RNF38: variants seen among roughly 807,000 people sequenced by gnomAD.
RNF38 encodes ring finger protein 38.
In RNF38, 15 loss-of-function variants were observed where a neutral mutation model predicts 67.2. The observed-to-expected ratio is 0.22, with a 90% CI of 0.15 to 0.34. The LOEUF (loss-of-function observed/expected upper bound fraction) is 0.34, where lower values mean the gene tolerates loss of function less well. RNF38 is among the 10% of genes least tolerant of loss of function. The pLI is 1.00. For missense variants in RNF38, 524 were observed against 639.9 expected, an observed-to-expected ratio of 0.82 and a Z score of 1.95; for synonymous variants, 220 against 218.8, an observed-to-expected ratio of 1.01 and a Z score of -0.05.
intron 11 of RNF38, among the ~76,000 whole-genome samples, 155 bp from the exon 12 acceptor site, chr9:36,339,969 T>C (rs943739384): frequency 3.8e-5 from 4 of 106,004 alleles, no homozygotes; most frequent in Non-Finnish European, 7.8e-5. Context: ...CCCATAAACC[T>C]CCGAATTAGC....
chr9:36,472,934 C>A (rs1840031043), intron 1 of RNF38, among the ~76,000 whole-genome samples: 1 of 151,258 alleles, frequency 6.6e-6, no homozygotes, highest in Admixed American at 6.6e-5. Flanking sequence ...GAGTTCAGGA[C>A]CAGCCTGGCC....
rs774227799 is a variant in RNF38, at chr9:36,342,417, C to T, written c.1393G>A (p.Val465Ile). 2.5e-6 allele frequency: 4 copies of T among 1,610,882 alleles called. No homozygotes were observed. The highest frequency in any genetic ancestry group is 2.2e-5 in the South Asian group (2 of 91,006). ...CTTGACTCAAAATCACACATGCATA[C>T]TACACACCTAAAAAAAGCAAAAAGA... ...NHQSEQTLCV[V>I]CMCDFESRQL... Residue 465 changes from valine to isoleucine, a missense_variant, in exon 11 of 12, where the codon GTA becomes ATA. Coordinates refer to ENST00000259605, the MANE Select transcript of RNF38 (RefSeq NM_022781.5).
chr9:36,348,227 T>C (rs1273995242), intron 9 of RNF38, among the ~76,000 whole-genome samples: 2 of 150,516 alleles, frequency 1.3e-5, no homozygotes, highest in African/African-American at 2.4e-5. Context: ...GCCATTCTCA[T>C]TGGGCACAGT....
chr9:36,353,406 T>C, intron 6 of RNF38, 75 bp from the exon 7 acceptor site: 4 of 1,061,608 alleles, frequency 3.8e-6, no homozygotes, highest in Non-Finnish European at 2.5e-6. Context: ...TTATGCTTTA[T>C]AATAATCACA....
At chr9:36,369,969 T>C (rs1835255473) in intron 3 of RNF38, 37 bp from the exon 4 acceptor site, 3 of 1,529,486 alleles carry the variant, frequency 2.0e-6, no homozygotes, top group South Asian at 2.3e-5. Flanking sequence ...ATTATGCTTA[T>C]TGTGATCCAT....
intron 1 of RNF38, among the ~76,000 whole-genome samples, chr9:36,455,712 G>C (rs1265932478): frequency 6.7e-6 from 1 of 149,576 alleles, no homozygotes; most frequent in Non-Finnish European, 1.5e-5. Flanking sequence ...AGGTTGCAGT[G>C]AGCCGAGACA....
At chr9:36,458,861 A>G (rs1839655614) in intron 1 of RNF38, among the ~76,000 whole-genome samples, 1 of 152,190 alleles carries the variant, frequency 6.6e-6, no homozygotes, top group East Asian at 1.9e-4. Flanking sequence ...CCTGACCAAC[A>G]TATCGCCACA....
chr9:36,390,737 A>G, intron 1 of RNF38, 121 bp from the exon 2 acceptor site: 1 of 1,023,740 alleles, frequency 9.8e-7, no homozygotes, highest in Non-Finnish European at 1.4e-6. Flanking sequence ...GAAGACAGGA[A>G]AGAAATTAAA....
At chr9:36,365,666 T>TTTTG (rs1470955077) in intron 4 of RNF38, among the ~76,000 whole-genome samples, 1 of 139,060 alleles carries the variant, frequency 7.2e-6, no homozygotes, top group East Asian at 2.1e-4. Flanking sequence ...CTGATAGTTT[T>TTTTG]TTTTTTTTTT....
intron 2 of RNF38, among the ~76,000 whole-genome samples, chr9:36,389,328 T>G (rs1836888278): frequency 1.4e-5 from 2 of 140,508 alleles, no homozygotes; most frequent in African/African-American, 5.3e-5. Context: ...ACAAAGGGAG[T>G]ATGGAGAAAA....
upstream of RNF38, chr9:36,400,796 T>A (rs1380274573): frequency 1.0e-6 from 1 of 985,166 alleles, no homozygotes; most frequent in Admixed American, 6.2e-5. Context: ...CAGAGTCGCC[T>A]AACGCCTCGG....
At chr9:36,486,015 T>C (rs1376912677) in intron 1 of RNF38, among the ~76,000 whole-genome samples, 1 of 152,182 alleles carries the variant, frequency 6.6e-6, no homozygotes, top group East Asian at 1.9e-4. Context: ...ACAGACTCCT[T>C]TCAAACTCAT....
chr9:36,390,730 G>A, intron 1 of RNF38, 114 bp from the exon 2 acceptor site: 1 of 1,076,524 alleles, frequency 9.3e-7, no homozygotes. Flanking sequence ...TGCTAGCGAA[G>A]ACAGGAAAGA....
At chr9:36,425,391 C>G (rs1838741768) in intron 1 of RNF38, among the ~76,000 whole-genome samples, 1 of 152,102 alleles carries the variant, frequency 6.6e-6, no homozygotes, top group Non-Finnish European at 1.5e-5. Context: ...AAAAATGTTA[C>G]ATTTTTAAAA....
chr9:36,381,084 G>C (rs749665469), intron 2 of RNF38, among the ~76,000 whole-genome samples: 2 of 152,134 alleles, frequency 1.3e-5, no homozygotes, highest in African/African-American at 2.4e-5. Context: ...GGTTTCTCCC[G>C]TGAGAATTCA....
intron 1 of RNF38, among the ~76,000 whole-genome samples, chr9:36,458,519 A>G (rs1188370899): frequency 6.6e-6 from 1 of 152,176 alleles, no homozygotes; most frequent in Non-Finnish European, 1.5e-5. Flanking sequence ...TCATTCCTGA[A>G]GTCAGCGAGA....
intron 2 of RNF38, among the ~76,000 whole-genome samples, chr9:36,377,271 C>T (rs111458244): frequency 2.6e-5 from 4 of 152,180 alleles, no homozygotes; most frequent in Non-Finnish European, 5.9e-5. Flanking sequence ...ATTAGTTGGG[C>T]ATTACAGTAC....
upstream of RNF38, chr9:36,401,298 G>T (rs1389244100): frequency 6.7e-5 from 41 of 612,416 alleles, no homozygotes; most frequent in Non-Finnish European, 7.6e-5. Flanking sequence ...GCGCAGCCCC[G>T]CCCCAGCCCG....
intron 1 of RNF38, among the ~76,000 whole-genome samples, chr9:36,442,553 G>T (rs1271461867): frequency 6.6e-6 from 1 of 152,122 alleles, no homozygotes; most frequent in Non-Finnish European, 1.5e-5. Flanking sequence ...AGGCCGAGGC[G>T]GGCGGATCAT....
Sources: gnomAD v4.1 joint callset for allele counts (sites outside exome capture counted in the v4.1 genomes callset) on GRCh38, gnomAD v4.1.1 for gene constraint, MANE v1.5 for transcripts, NCBI Gene and HGNC (gene_info 2026-07-23, HGNC 2026-07-21) for gene names.